The following ASIP variants were observed in gnomAD, a reference collection of about 807,000 sequenced individuals.
The protein encoded by ASIP is agouti-signaling protein.
ASIP carries 11 observed loss-of-function variants against 10.3 expected under a neutral mutation model. The ratio of observed to expected loss-of-function variants is 1.07; its 90% CI spans 0.68 to 1.78. ASIP has a LOEUF of 1.78. Ranked by LOEUF, ASIP falls within the 40% of genes most tolerant of loss-of-function variation. ASIP has a pLI of 0.00. For synonymous variants in ASIP, 70 were observed against 70.8 expected (o/e 0.99, Z 0.06); for missense variants, 180 against 169.2 (o/e 1.06, Z -0.35).
intron 1 of ASIP, among the ~76,000 whole-genome samples, chr20:34,233,652 A>G (rs2035141524): frequency 6.6e-6 from 1 of 152,214 alleles, no homozygotes; most frequent in Admixed American, 6.5e-5. Flanking sequence ...GTCTGAAGAT[A>G]ATGAATTGGC....
At chr20:34,204,012 C>T (rs752089656) in intron 1 of ASIP, among the ~76,000 whole-genome samples, 3 of 152,228 alleles carry the variant, frequency 2.0e-5, no homozygotes, top group Non-Finnish European at 2.9e-5. Context: ...GCGTGAGCCA[C>T]CACGCCCGGC....
At position 34,269,229 on chromosome 20, in the gene ASIP, G is replaced by T; in HGVS notation, c.*62G>T. 1 of 1,432,752 alleles carries T rather than the reference G, an allele frequency of 7.0e-7. No homozygotes were observed. The highest frequency in any genetic ancestry group is 9.1e-7 in the Non-Finnish European group (1 of 1,097,680). The allele number at this position is 1,432,752 out of a possible 1,614,324, so 88.8% of individuals were successfully genotyped here. On this transcript the variant is annotated 3_prime_UTR_variant, in exon 4 of 4. Coordinates refer to ENST00000374954, the MANE Select transcript of ASIP (RefSeq NM_001672.3). ...GGGGACGCGGGGCGCTTCTCGGGCG[G>T]GTGATCCCTAACAGGGCGGCTTCCC...
rs575806883 is a variant in ASIP at position 34,196,700 on chromosome 20, T to C, written c.-11+1940T>C. On this transcript the variant is annotated intron_variant, in intron 1 of 3. Transcript: ENST00000568305. The stretch of plus-strand genomic sequence containing the variant: ...AGCTAGAGTCTGTAATTAGTTCCCA[T>C]ACCTGCGTAGCCGGTTCTGAGGGGT... Among the ~76,000 whole-genome samples, 4 of 152,238 alleles carry C rather than the reference T, an allele frequency of 2.6e-5. No homozygotes were observed. The South Asian group carries it at 6.2e-4, about 24-fold the overall frequency.
intron 3 of ASIP, 85 bp downstream of exon 3, chr20:34,262,978 A>G (rs1568771717): frequency 1.3e-6 from 2 of 1,488,118 alleles, no homozygotes; most frequent in Non-Finnish European, 1.9e-6. Context: ...CTGGCTAGGA[A>G]CTAAATGAAA....
chr20:34,199,300 C>CT (rs909670337), intron 1 of ASIP, among the ~76,000 whole-genome samples: 12 of 146,874 alleles, frequency 8.2e-5, no homozygotes, highest in Non-Finnish European at 7.5e-5. Flanking sequence ...TCTGTGAATA[C>CT]TTTTTTTTTT....
At chr20:34,243,758 T>TAAA (rs760280764) in intron 1 of ASIP, among the ~76,000 whole-genome samples, 218 of 134,048 alleles carry the variant, frequency 1.6e-3, no homozygotes, top group African/African-American at 5.5e-3. Context: ...ATATTGTATT[T>TAAA]AAAAAAAAAA....
At chr20:34,190,859 C>T (rs879326727), upstream of ASIP, among the ~76,000 whole-genome samples, 2 of 152,236 alleles carry the variant, frequency 1.3e-5, no homozygotes, top group Admixed American at 6.5e-5. Context: ...CTGCATGCAA[C>T]TTCTGCCCAG....
intron 1 of ASIP, among the ~76,000 whole-genome samples, chr20:34,253,122 T>A (rs1601602833): frequency 6.6e-6 from 1 of 152,090 alleles, no homozygotes; most frequent in Non-Finnish European, 1.5e-5. Flanking sequence ...TTTTATTTTT[T>A]TTTTAGACGA....
At chr20:34,219,534 C>T (rs914143714) in intron 1 of ASIP, among the ~76,000 whole-genome samples, 4 of 152,170 alleles carry the variant, frequency 2.6e-5, no homozygotes, top group Non-Finnish European at 5.9e-5. Flanking sequence ...AACAATTAGA[C>T]TCTGCAATAG....
intron 1 of ASIP, among the ~76,000 whole-genome samples, chr20:34,258,643 T>C (rs1228858404): frequency 3.5e-5 from 3 of 84,848 alleles, no homozygotes; most frequent in Non-Finnish European, 7.3e-5. Context: ...GCCCCTGTCA[T>C]TGAGGAGTTA....
At chr20:34,235,874 G>GA (rs1194126681) in intron 1 of ASIP, among the ~76,000 whole-genome samples, 1,128 of 72,282 alleles carry the variant, frequency 0.016, 13 homozygotes, top group East Asian at 0.041. Flanking sequence ...GGAAAGGAAG[G>GA]AAGGAAGGAA....
At chr20:34,222,280 A>T (rs867434068) in intron 1 of ASIP, among the ~76,000 whole-genome samples, 45 of 146,288 alleles carry the variant, frequency 3.1e-4, no homozygotes, top group African/African-American at 7.5e-4. Context: ...AAGGATAATT[A>T]AAAAAAAAAA....
intron 1 of ASIP, among the ~76,000 whole-genome samples, chr20:34,258,700 A>ATATATATATATATATACACATAC (rs1555826880): frequency 1.3e-5 from 1 of 77,918 alleles, no homozygotes; most frequent in Non-Finnish European, 2.4e-5. Flanking sequence ...TACATACTAT[A>ATATATATATATATATACACATAC]TATATATATT....
Position 34,260,465 on chromosome 20 carries a change from C to G in ASIP, c.91C>G (p.Arg31Gly). 6.2e-7 allele frequency: 1 copy of G among 1,614,102 alleles called. No homozygotes were observed. Among genetic ancestry groups the G allele is most frequent in the Non-Finnish European group, 8.5e-7 (1 of 1,180,004 alleles). ...CCACCTGCCACCTGAGGAGAAGCTC[C>G]GAGATGACAGGAGCCTGAGAAGCAA... Reference protein sequence around the residue: ...NSHLPPEEKLRDDRSLRSNSS... With the variant: ...NSHLPPEEKLGDDRSLRSNSS... Residue 31 changes from arginine (R) to glycine (G), a missense_variant, in exon 2 of 4, where the codon CGA (arginine) becomes GGA (glycine). Arg to Gly is a moderately radical substitution (Grantham distance 125). Coordinates refer to ENST00000374954, the MANE Select transcript of ASIP (RefSeq NM_001672.3).
chr20:34,200,735 C>G (rs748794749), intron 1 of ASIP, among the ~76,000 whole-genome samples: 14 of 152,182 alleles, frequency 9.2e-5, no homozygotes, highest in Non-Finnish European at 1.5e-5. Context: ...CACTTACTAG[C>G]AACCTAAGAA....
chr20:34,235,841 G>GA (rs1311945701), intron 1 of ASIP, among the ~76,000 whole-genome samples: 2,509 of 34,334 alleles, frequency 0.073, 41 homozygotes, highest in East Asian at 0.099. Context: ...AAGAAAGAAA[G>GA]AAGGAAGGAA....
At chr20:34,209,731 G>A (rs1037195308) in intron 1 of ASIP, among the ~76,000 whole-genome samples, 18 of 152,212 alleles carry the variant, frequency 1.2e-4, no homozygotes, top group African/African-American at 4.1e-4. Context: ...GAGAATGGGA[G>A]GGAAGCTAAG....
the ASIP span, among the ~76,000 whole-genome samples, chr20:34,187,490 C>T: frequency 3.3e-5 from 5 of 152,366 alleles, no homozygotes; most frequent in African/African-American, 1.2e-4. Context: ...AGCCTAATCA[C>T]TTTAAGCTGG....
At chr20:34,186,869 A>G in the ASIP span, among the ~76,000 whole-genome samples, 1 of 152,016 alleles carries the variant, frequency 6.6e-6, no homozygotes, top group African/African-American at 2.4e-5. Flanking sequence ...GCTGGAGTGC[A>G]GTGGTGCGAT....
Sources: gnomAD v4.1 joint callset for allele counts (sites outside exome capture counted in the v4.1 genomes callset) on GRCh38, gnomAD v4.1.1 for gene constraint, MANE v1.5 for transcripts, NCBI Gene and HGNC (gene_info 2026-07-23, HGNC 2026-07-21) for gene names.